The following TTC7A variants were observed in gnomAD, a reference collection of about 807,000 sequenced individuals.
TTC7A encodes the protein tetratricopeptide repeat protein 7A.
In TTC7A, 110 loss-of-function variants were observed where a neutral mutation model predicts 103.7. The observed-to-expected ratio is 1.06, with a 90% CI of 0.91 to 1.24. The LOEUF (loss-of-function observed/expected upper bound fraction) is 1.24. Among genes scored for constraint, TTC7A ranks in the 50% most tolerant of loss-of-function variants. The pLI is 0.00. For synonymous variants in TTC7A, 521 were observed against 467.9 expected, an observed-to-expected ratio of 1.11 and a Z score of -1.47; for missense variants, 1,340 against 1,116.3, an observed-to-expected ratio of 1.20 and a Z score of -2.86.
At chr2:47,066,707 A>G (rs1051344678) in intron 19 of TTC7A, among the ~76,000 whole-genome samples, 1 of 152,088 alleles carries the variant, frequency 6.6e-6, no homozygotes, top group African/African-American at 2.4e-5. Flanking sequence ...AGGCTGGGTA[A>G]TTTATTATTA....
rs1210703047 is a variant in TTC7A, at chr2:47,073,731, G to A, written c.2385G>A (p.Lys795=). ...LGLMLSRLGH[K]SLAQKVLRDA... ...TGATGCTGAGTCGGCTGGGCCACAA[G>A]AGCTTGGCCCAGAAGGTGCTTCGTG... The change falls in exon 20 of 20, where the codon AAG becomes AAA. Residue 795 remains lysine, a synonymous_variant. Coordinates refer to ENST00000319190, the MANE Select transcript of TTC7A (RefSeq NM_020458.4). 5 of 1,613,662 alleles carry A rather than the reference G, an allele frequency of 3.1e-6. No individual in the cohort carries two copies. Among genetic ancestry groups the A allele is most frequent in the Non-Finnish European group, 4.2e-6 (5 of 1,180,026 alleles).
intron 2 of TTC7A, among the ~76,000 whole-genome samples, chr2:46,930,809 A>G (rs1669661594): frequency 6.6e-6 from 1 of 152,162 alleles, no homozygotes; most frequent in Admixed American, 6.6e-5. Flanking sequence ...CTGAAGTCCT[A>G]TAATTTTTAA....
chr2:46,993,339 T>A, intron 5 of TTC7A, 111 bp from the exon 6 acceptor site: 1 of 996,680 alleles, frequency 1.0e-6, no homozygotes, highest in Non-Finnish European at 1.6e-6. Context: ...TCGAATGTGT[T>A]CAAATAAAAC....
At chr2:46,954,809 G>T (rs963221717) in intron 2 of TTC7A, among the ~76,000 whole-genome samples, 1 of 152,088 alleles carries the variant, frequency 6.6e-6, no homozygotes, top group Non-Finnish European at 1.5e-5. Flanking sequence ...GATCTTAGGT[G>T]ATCTGCCTGC....
At chr2:47,047,992 T>C (rs947614349) in intron 16 of TTC7A, among the ~76,000 whole-genome samples, 1 of 152,102 alleles carries the variant, frequency 6.6e-6, no homozygotes, top group Non-Finnish European at 1.5e-5. Context: ...GAGCCAAGGA[T>C]TAAGACCACA....
At chr2:47,046,891 G>A (rs1246766752) in intron 16 of TTC7A, 5 of 239,270 alleles carry the variant, frequency 2.1e-5, no homozygotes. Context: ...CATGGAGCCT[G>A]TCACTTCTTT....
chr2:46,930,558 G>A (rs1669640842), intron 2 of TTC7A, among the ~76,000 whole-genome samples: 1 of 149,604 alleles, frequency 6.7e-6, no homozygotes, highest in African/African-American at 2.5e-5. Context: ...GGAATGCAGT[G>A]GCGCGATCTT....
intron 5 of TTC7A, among the ~76,000 whole-genome samples, chr2:46,979,194 G>A (rs1447634985): frequency 6.6e-6 from 1 of 152,192 alleles, no homozygotes; most frequent in East Asian, 1.9e-4. Context: ...AGGGGAGGGT[G>A]GAGGGCATCT....
At chr2:46,962,228 T>C (rs1169440742) in intron 3 of TTC7A, among the ~76,000 whole-genome samples, 1 of 152,192 alleles carries the variant, frequency 6.6e-6, no homozygotes, top group Non-Finnish European at 1.5e-5. Flanking sequence ...TTTTCTTCAC[T>C]CTGCACAAAG....
intron 1 of TTC7A, among the ~76,000 whole-genome samples, chr2:46,942,208 G>A (rs556186945): frequency 6.6e-6 from 1 of 152,344 alleles, no homozygotes; most frequent in East Asian, 1.9e-4. Flanking sequence ...ATGGGGAAGA[G>A]GCTTGGCCAG....
At chr2:46,994,211 C>G in intron 6 of TTC7A, 146 bp from the exon 7 acceptor site, 1 of 937,226 alleles carries the variant, frequency 1.1e-6, no homozygotes, top group Admixed American at 2.4e-5. Context: ...AAGGGGGCTC[C>G]TTGGGAGTGG....
intron 15 of TTC7A, among the ~76,000 whole-genome samples, chr2:47,030,830 G>T (rs1042931778): frequency 1.4e-4 from 22 of 152,162 alleles, no homozygotes; most frequent in Non-Finnish European, 2.2e-4. Flanking sequence ...CTGATTCTGA[G>T]CCTTGCCTCA....
At chr2:47,071,605 G>A (rs1024702042) in intron 19 of TTC7A, among the ~76,000 whole-genome samples, 2 of 152,204 alleles carry the variant, frequency 1.3e-5, no homozygotes, top group African/African-American at 4.8e-5. Flanking sequence ...TTGGCCATTT[G>A]CCCGTGGTCA....
chr2:47,037,890 G>T (rs570729422), intron 15 of TTC7A, among the ~76,000 whole-genome samples: 71 of 152,282 alleles, frequency 4.7e-4, no homozygotes, highest in African/African-American at 1.7e-3. Flanking sequence ...GGCCTTTTAT[G>T]TGCACGATGT....
rs1671311140 is a variant in TTC7A at position 46,950,499 on chromosome 2, C to T, written c.321C>T (p.Ser107=). The T allele has an allele frequency of 2.5e-6, 4 of 1,613,998 alleles. No individual in the cohort carries two copies. The highest frequency in any genetic ancestry group is 3.4e-6 in the Non-Finnish European group (4 of 1,180,026). Residue 107 remains serine (S), a synonymous_variant, in exon 2 of 20, where the codon AGC becomes AGT. Transcript: ENST00000319190. Reference sequence around the variant, plus strand: ...TGAGCGAAGCCAAAAATTATCTAAGCAGTATCCTTAACCATGGGAGGCTCT... The same window carrying T: ...TGAGCGAAGCCAAAAATTATCTAAGTAGTATCCTTAACCATGGGAGGCTCT... The part of the protein sequence containing the change: ...PKMSEAKNYL[S]SILNHGRLSP...
rs770926956 is a variant in TTC7A at position 46,995,173 on chromosome 2, C to T, written c.1039C>T (p.Leu347=). The T allele has an allele frequency of 3.7e-6, 6 of 1,614,192 alleles. No individual in the cohort carries two copies. Among genetic ancestry groups the T allele is most frequent in the Non-Finnish European group, 4.2e-6 (5 of 1,180,020 alleles). Residue 347 remains leucine (L), a synonymous_variant, in exon 8 of 20, where the codon CTG becomes TTG. Coordinates refer to ENST00000319190, the MANE Select transcript of TTC7A (RefSeq NM_020458.4). ...CPKDNIEEAL[L]LLLISESMAT... is the part of the protein sequence containing the mutation. Reference sequence around the variant, plus strand: ...CAAGGACAACATCGAGGAAGCCCTCCTGCTCCTCCTCATCAGCGAATCCAT... The same window carrying T: ...CAAGGACAACATCGAGGAAGCCCTCTTGCTCCTCCTCATCAGCGAATCCAT...
At chr2:46,939,925 C>T (rs1026517665), upstream of TTC7A, among the ~76,000 whole-genome samples, 23 of 152,184 alleles carry the variant, frequency 1.5e-4, no homozygotes, top group African/African-American at 5.1e-4. Flanking sequence ...CATCTACCTC[C>T]TGGCCTCTGG....
intron 5 of TTC7A, among the ~76,000 whole-genome samples, chr2:46,992,125 A>G (rs1385695033): frequency 6.6e-6 from 1 of 152,214 alleles, no homozygotes; most frequent in East Asian, 1.9e-4. Flanking sequence ...TCGCCAGCCC[A>G]GCAGCCTCTG....
chr2:47,043,694 G>A (rs914683193), intron 15 of TTC7A, among the ~76,000 whole-genome samples: 4 of 152,192 alleles, frequency 2.6e-5, no homozygotes, highest in Non-Finnish European at 4.4e-5. Context: ...ATCCTCCCAG[G>A]ATCCTGGAGT....
Sources: gnomAD v4.1 joint callset for allele counts (sites outside exome capture counted in the v4.1 genomes callset) on GRCh38, gnomAD v4.1.1 for gene constraint, MANE v1.5 for transcripts, NCBI Gene and HGNC (gene_info 2026-07-23, HGNC 2026-07-21) for gene names.